Variants in COL19A1 observed in about 807,000 individuals in gnomAD.
The protein encoded by COL19A1 is collagen alpha-1(XIX) chain.
A neutral mutation model predicts 190.2 loss-of-function variants in COL19A1; 159 were observed. The observed-to-expected ratio is 0.84, with a 90% confidence interval of 0.73 to 0.95. The LOEUF (loss-of-function observed/expected upper bound fraction) is 0.95. COL19A1 is among the 40% of genes least tolerant of loss of function. COL19A1 has a pLI of 0.00. For missense variants in COL19A1, 1,418 were observed against 1,431.9 expected, an observed-to-expected ratio of 0.99 and a Z score of 0.16; for synonymous variants, 509 against 458.9, an observed-to-expected ratio of 1.11 and a Z score of -1.39.
chr6:70,005,522 G>A (rs1777561243), intron 11 of COL19A1, among the ~76,000 whole-genome samples: 1 of 152,170 alleles, frequency 6.6e-6, no homozygotes. Context: ...ACAAAGATGG[G>A]TGTCTGCTCC....
intron 15 of COL19A1, among the ~76,000 whole-genome samples, chr6:70,090,953 G>C (rs1782890604): frequency 6.6e-6 from 1 of 152,156 alleles, no homozygotes; most frequent in African/African-American, 2.4e-5. Flanking sequence ...GCACCTGGAT[G>C]CTCTTTCTCA....
Position 70,156,677 on chromosome 6 carries a change from A to T in COL19A1, c.2246A>T (p.Lys749Ile). ...IPGREGPKGS[K>I]GERGYPGIPG... ...AATGTATTGTCTTTTTAGGGAAGCAAAGGAGAGCGGGGCTACCCTGGGATA... is the reference window on the plus strand; with the variant it reads ...AATGTATTGTCTTTTTAGGGAAGCATAGGAGAGCGGGGCTACCCTGGGATA... The change falls in exon 34 of 51, where the codon AAA becomes ATA. Residue 749 changes from lysine to isoleucine, a missense_variant. Lys to Ile is a moderately radical substitution (Grantham distance 102). Coordinates refer to ENST00000620364, the MANE Select transcript of COL19A1 (RefSeq NM_001858.6). 1 of 1,611,898 alleles carries T rather than the reference A, an allele frequency of 6.2e-7. No homozygotes were observed. Among genetic ancestry groups the T allele is most frequent in the Non-Finnish European group, 8.5e-7 (1 of 1,178,676 alleles).
At chr6:69,943,697 CAGTT>C (rs1284465972) in intron 9 of COL19A1, among the ~76,000 whole-genome samples, 1 of 152,116 alleles carries the variant, frequency 6.6e-6, no homozygotes, top group African/African-American at 2.4e-5. Flanking sequence ...TGTCAAAAAT[CAGTT>C]GGTTGTAAAT....
At chr6:69,886,843 A>G (rs73478068) in intron 2 of COL19A1, among the ~76,000 whole-genome samples, 1,599 of 152,320 alleles carry the variant, frequency 0.01, 24 homozygotes, top group African/African-American at 0.033. Flanking sequence ...CCACCTTGTG[A>G]TAGCTATTTC....
chr6:70,211,224 GTTTTT>G lies in COL19A1; in HGVS notation c.*3954_*3958del, dbSNP rs796427259. On this transcript the variant is annotated 3_prime_UTR_variant, in exon 51 of 51. Transcript: ENST00000620364. ...TTACAAAAGTACAATTAGAAACACT[GTTTTT>G]TTTAAGTACCGTTTTTATTTTCATA... 6.6e-6 allele frequency among the ~76,000 whole-genome samples: 1 copy of G among 151,654 alleles called. No homozygotes were observed. Among genetic ancestry groups the G allele is most frequent in the Non-Finnish European group, 1.5e-5 (1 of 67,858 alleles).
At chr6:69,933,144 A>C (rs924844887) in intron 7 of COL19A1, among the ~76,000 whole-genome samples, 1 of 152,114 alleles carries the variant, frequency 6.6e-6, no homozygotes, top group Non-Finnish European at 1.5e-5. Flanking sequence ...TTCTGACAGC[A>C]GCATCATTTC....
intron 7 of COL19A1, among the ~76,000 whole-genome samples, chr6:69,935,766 T>G (rs761036386): frequency 9.9e-5 from 15 of 152,182 alleles, no homozygotes; most frequent in Admixed American, 1.3e-4. Context: ...ATTTGCAGGA[T>G]GTGCAGGTTT....
chr6:70,037,192 G>A (rs951602992), intron 14 of COL19A1, among the ~76,000 whole-genome samples: 2 of 152,078 alleles, frequency 1.3e-5, no homozygotes, highest in Non-Finnish European at 2.9e-5. Context: ...GTCTTGCTCT[G>A]TCACCCAGGC....
intron 15 of COL19A1, among the ~76,000 whole-genome samples, chr6:70,080,817 C>T (rs1332218337): frequency 6.6e-6 from 1 of 152,096 alleles, no homozygotes; most frequent in East Asian, 1.9e-4. Context: ...ATGAAGAGTC[C>T]TGCCTGTGTT....
intron 11 of COL19A1, among the ~76,000 whole-genome samples, chr6:70,018,210 T>A (rs77503495): frequency 0.11 from 16,048 of 151,914 alleles, 986 homozygotes; most frequent in East Asian, 0.29. Context: ...TGTAGAAGAG[T>A]AAAGAATGGT....
In COL19A1 at chr6:69,936,837, A is replaced by G. The variant is rs779111780; in HGVS notation, c.800A>G (p.His267Arg). ...ATTGCATCATCATGGGTAACTGCTC[A>G]TGCCAGTAAAATGTCTTCATATCTG... ...GNIASSWVTA[H>R]ASKMSSYLPA... The change falls in exon 8 of 51, where the codon CAT becomes CGT. Residue 267 changes from histidine (H) to arginine (R), a missense_variant. Transcript: ENST00000620364. The G allele has an allele frequency of 1.5e-5, 25 of 1,613,088 alleles. No homozygotes were observed. The highest frequency in any genetic ancestry group is 1.8e-5 in the Non-Finnish European group (21 of 1,179,328).
At chr6:70,170,345 C>G (rs1583077170) in intron 40 of COL19A1, among the ~76,000 whole-genome samples, 2 of 152,212 alleles carry the variant, frequency 1.3e-5, no homozygotes, top group East Asian at 3.9e-4. Context: ...AGAGCAAAAA[C>G]TTGAGAAGTC....
Position 70,211,901 on chromosome 6 carries a change from A to G in COL19A1, c.*4627A>G, listed in dbSNP as rs1169957546. Among the ~76,000 whole-genome samples the G allele has an allele frequency of 2.0e-5, 3 of 152,128 alleles. No individual in the cohort carries two copies. Among genetic ancestry groups the G allele is most frequent in the Non-Finnish European group, 4.4e-5 (3 of 68,008 alleles). The stretch of plus-strand genomic sequence containing the variant: ...TATAAGACCAAAGCTAAGTCTAAGA[A>G]AATCTAAATGGAAAAAAAATTGCGT... On this transcript the variant is annotated 3_prime_UTR_variant, in exon 51 of 51. Transcript: ENST00000620364.
At chr6:70,112,095 T>G (rs1784317304) in intron 16 of COL19A1, among the ~76,000 whole-genome samples, 1 of 152,152 alleles carries the variant, frequency 6.6e-6, no homozygotes, top group African/African-American at 2.4e-5. Flanking sequence ...AAAGCATTCA[T>G]AGGTGTGGGC....
At chr6:70,006,598 T>A (rs1777640472) in intron 11 of COL19A1, among the ~76,000 whole-genome samples, 1 of 152,202 alleles carries the variant, frequency 6.6e-6, no homozygotes, top group Non-Finnish European at 1.5e-5. Flanking sequence ...CTTGGCCCCA[T>A]CCAAATTTTT....
At chr6:69,873,193 C>T (rs965880552) in intron 1 of COL19A1, among the ~76,000 whole-genome samples, 1 of 152,008 alleles carries the variant, frequency 6.6e-6, no homozygotes, top group Non-Finnish European at 1.5e-5. Context: ...AGGGGACCTG[C>T]CCACCTAAAA....
intron 11 of COL19A1, among the ~76,000 whole-genome samples, chr6:69,996,928 G>A (rs931564334): frequency 4.2e-5 from 6 of 141,264 alleles, no homozygotes; most frequent in Non-Finnish European, 8.9e-5. Context: ...GTGTGTGTGT[G>A]TGTGTGTGTG....
rs1345579638 is a variant in COL19A1, at chr6:70,210,560, T to C, written c.*3286T>C. ...GTTGTCTGTGAAAATTATCATTTGA[T>C]ATTTGGCTTATAAAGTAATTTTTAT... On this transcript the variant is annotated 3_prime_UTR_variant, in exon 51 of 51. Coordinates refer to ENST00000620364, the MANE Select transcript of COL19A1 (RefSeq NM_001858.6). 6.6e-6 allele frequency among the ~76,000 whole-genome samples: 1 copy of C among 152,206 alleles called. No individual in the cohort carries two copies. Among genetic ancestry groups the C allele is most frequent in the Non-Finnish European group, 1.5e-5 (1 of 68,004 alleles).
chr6:70,150,187 G>A (rs189576071), intron 30 of COL19A1, 142 bp downstream of exon 30: 19 of 840,122 alleles, frequency 2.3e-5, no homozygotes, highest in African/African-American at 1.0e-4. Context: ...TTATTTTGTC[G>A]AGTGAAAAAA....
Sources: allele counts gnomAD v4.1 joint callset (sites outside exome capture counted in the v4.1 genomes callset), GRCh38; gene constraint gnomAD v4.1.1; transcripts MANE v1.5; gene names NCBI Gene and HGNC (gene_info 2026-07-23, HGNC 2026-07-21).